ARHGAP12: variants seen among roughly 807,000 people sequenced by gnomAD.
ARHGAP12 encodes the protein Rho GTPase activating protein 12.
Under a neutral mutation model 108.6 loss-of-function variants are expected in ARHGAP12, and 64 were observed. That is an observed-to-expected ratio of 0.59 (90% CI 0.48 to 0.73). The LOEUF is 0.73. Ranked by LOEUF, ARHGAP12 falls within the 30% of genes least tolerant of loss-of-function variation. The pLI is 0.00. For synonymous variants in ARHGAP12, 312 were observed against 337.2 expected (o/e 0.93, Z 0.82); for missense variants, 940 against 1,005.9 (o/e 0.93, Z 0.89).
intron 10 of ARHGAP12, among the ~76,000 whole-genome samples, chr10:31,830,845 A>G (rs7077128): frequency 6.6e-6 from 1 of 152,128 alleles, no homozygotes; most frequent in African/African-American, 2.4e-5. Context: ...AAATAAAAAT[A>G]TCATTTTCTC....
At chr10:31,839,746 T>C (rs746035687) in intron 7 of ARHGAP12, 35 bp from the exon 8 acceptor site, 2 of 1,502,468 alleles carry the variant, frequency 1.3e-6, no homozygotes, top group South Asian at 1.2e-5. Context: ...AGTTACTCTA[T>C]TTTATATAAT....
chr10:31,847,486 CCAT>C (rs778729853), intron 6 of ARHGAP12, among the ~76,000 whole-genome samples: 1 of 152,154 alleles, frequency 6.6e-6, no homozygotes, highest in Non-Finnish European at 1.5e-5. Flanking sequence ...GTACTCCCCA[CCAT>C]GTTTCAGTTC....
chr10:31,810,649 C>A lies in ARHGAP12; in HGVS notation c.2050G>T (p.Gly684Cys). The A allele has an allele frequency of 1.3e-6, 2 of 1,553,490 alleles. No individual in the cohort carries two copies. The highest frequency in any genetic ancestry group is 2.5e-5 in the South Asian group (2 of 79,996). ...AAAAAAATCAAAATCCTTCTCTTACCATGTTCTTCAACATGTTCAATACAT... is the reference window on the plus strand; with the variant it reads ...AAAAAAATCAAAATCCTTCTCTTACAATGTTCTTCAACATGTTCAATACAT... ...KLCIEHVEEH[G>C]LDIDGIYRVS... The change falls in exon 16 of 20, where the codon GGT (glycine) becomes TGT (cysteine). Residue 684 changes from glycine to cysteine, a missense_variant and splice_region_variant. By Grantham distance (159) the Gly-to-Cys change is radical. Transcript: ENST00000344936.
chr10:31,888,445 A>G (rs1322488333), intron 3 of ARHGAP12, among the ~76,000 whole-genome samples: 1 of 152,252 alleles, frequency 6.6e-6, no homozygotes, highest in Non-Finnish European at 1.5e-5. Context: ...TAAGAATGTG[A>G]TCCTGGCAGG....
chr10:31,863,189 AAAC>A (rs1307410111), intron 3 of ARHGAP12, among the ~76,000 whole-genome samples: 40 of 152,300 alleles, frequency 2.6e-4, no homozygotes, highest in Non-Finnish European at 8.8e-5. Context: ...ATTTATCACT[AAAC>A]AACATCTTTC....
In ARHGAP12 at chr10:31,807,431, G is replaced by A. The variant is rs1834854504; in HGVS notation, c.*227C>T. 7.7e-6 allele frequency: 3 copies of A among 388,948 alleles called. No individual in the cohort carries two copies. The South Asian group carries it at 1.9e-4, about 25-fold the overall frequency. 24.1% of individuals were successfully genotyped at this position (388,948 alleles called of 1,614,324 possible). On this transcript the variant is annotated 3_prime_UTR_variant, in exon 20 of 20. Coordinates refer to ENST00000344936, the MANE Select transcript of ARHGAP12 (RefSeq NM_018287.7). ...TCAGAGTATGAAATGCAAACATTCA[G>A]GATAAAATGAATTCATAATTACACG...
At chr10:31,866,761 G>A (rs1347615283) in intron 3 of ARHGAP12, among the ~76,000 whole-genome samples, 1 of 152,076 alleles carries the variant, frequency 6.6e-6, no homozygotes, top group Non-Finnish European at 1.5e-5. Context: ...GATTATAGGC[G>A]TGAGCCACCA....
intron 3 of ARHGAP12, among the ~76,000 whole-genome samples, chr10:31,882,463 T>C (rs1300669219): frequency 6.6e-6 from 1 of 152,184 alleles, no homozygotes; most frequent in Non-Finnish European, 1.5e-5. Flanking sequence ...TAAACTTTTA[T>C]GTTACTTTGC....
chr10:31,911,380 A>T (rs1005399623), intron 1 of ARHGAP12, among the ~76,000 whole-genome samples: 10 of 152,154 alleles, frequency 6.6e-5, no homozygotes, highest in Non-Finnish European at 1.2e-4. Context: ...CAGCTGTACA[A>T]TTTGGGTCAC....
At chr10:31,927,229 A>AATTTTAAAAAAAAG (rs144466157) in intron 1 of ARHGAP12, among the ~76,000 whole-genome samples, 1 of 151,868 alleles carries the variant, frequency 6.6e-6, no homozygotes, top group African/African-American at 2.4e-5. Context: ...TTTCCAAGGC[A>AATTTTAAAAAAAAG]AAATAAAAAT....
intron 4 of ARHGAP12, among the ~76,000 whole-genome samples, chr10:31,856,196 G>A (rs1836880383): frequency 6.6e-6 from 1 of 151,864 alleles, no homozygotes; most frequent in South Asian, 2.1e-4. Flanking sequence ...AATAATCTAT[G>A]AACAAAAGGT....
At chr10:31,865,892 A>AC in intron 3 of ARHGAP12, among the ~76,000 whole-genome samples, 1 of 151,624 alleles carries the variant, frequency 6.6e-6, no homozygotes, top group Non-Finnish European at 1.5e-5. Context: ...AAAAAAAAAA[A>AC]TCAGGGCTAA....
chr10:31,809,081 T>C lies in ARHGAP12; in HGVS notation c.2176A>G (p.Ile726Val). Residue 726 changes from isoleucine to valine, a missense_variant, in exon 18 of 20, where the codon ATT becomes GTT. Transcript: ENST00000344936. Reference protein sequence around the residue: ...NDSKWEDIHVITGALKMFFRE... With the variant: ...NDSKWEDIHVVTGALKMFFRE... ...AAAAACATTTTGAGGGCTCCAGTAA[T>C]GACATGAATATCTTCCCATTTACTG... is the stretch of plus-strand genomic sequence containing the variant. The C allele has an allele frequency of 6.2e-7, 1 of 1,613,400 alleles. No individual in the cohort carries two copies. Among genetic ancestry groups the C allele is most frequent in the Non-Finnish European group, 8.5e-7 (1 of 1,179,606 alleles).
chr10:31,910,137 T>C (rs1273564196), intron 2 of ARHGAP12, among the ~76,000 whole-genome samples: 4 of 152,032 alleles, frequency 2.6e-5, no homozygotes, highest in Admixed American at 2.0e-4. Flanking sequence ...TCCAGACCAG[T>C]GAGAGAATAA....
intron 14 of ARHGAP12, among the ~76,000 whole-genome samples, chr10:31,813,530 T>A (rs1350451047): frequency 6.6e-6 from 1 of 152,166 alleles, no homozygotes; most frequent in Non-Finnish European, 1.5e-5. Flanking sequence ...TTATGTTAAA[T>A]TGCTACCTGT....
intron 1 of ARHGAP12, among the ~76,000 whole-genome samples, chr10:31,927,208 G>C (rs1840084308): frequency 1.7e-5 from 1 of 57,508 alleles, no homozygotes; most frequent in Non-Finnish European, 3.5e-5. Flanking sequence ...TCAAAACCCA[G>C]CTCTGAAACG....
At chr10:31,835,088 A>C (rs1231575060) in intron 9 of ARHGAP12, among the ~76,000 whole-genome samples, 1 of 152,084 alleles carries the variant, frequency 6.6e-6, no homozygotes, top group Non-Finnish European at 1.5e-5. Flanking sequence ...AATCCCAACT[A>C]CTTGGGAGGC....
intron 11 of ARHGAP12, among the ~76,000 whole-genome samples, chr10:31,822,001 CTCT>C (rs1319649124): frequency 7.9e-5 from 12 of 151,906 alleles, no homozygotes; most frequent in Admixed American, 6.6e-4. Flanking sequence ...AGATGGGTAG[CTCT>C]AAGCTAAGAT....
At chr10:31,912,317 T>TA (rs1839386583) in intron 1 of ARHGAP12, among the ~76,000 whole-genome samples, 1 of 152,188 alleles carries the variant, frequency 6.6e-6, no homozygotes, top group Non-Finnish European at 1.5e-5. Context: ...TATAGTTAGT[T>TA]AGACATTTAT....
Sources: gnomAD v4.1 joint callset for allele counts (sites outside exome capture counted in the v4.1 genomes callset) on GRCh38, gnomAD v4.1.1 for gene constraint, MANE v1.5 for transcripts, NCBI Gene and HGNC (gene_info 2026-07-23, HGNC 2026-07-21) for gene names.